Variants in ADAM12 observed in about 807,000 individuals in gnomAD.
ADAM12 encodes the protein ADAM metallopeptidase domain 12.
ADAM12 carries 70 observed loss-of-function variants against 106.4 expected under a neutral mutation model. That is an observed-to-expected ratio of 0.66 (90% CI 0.54 to 0.80). The LOEUF (loss-of-function observed/expected upper bound fraction) is 0.80. ADAM12 is among the 30% of genes least tolerant of loss of function. The pLI is 0.00. For missense variants in ADAM12, 1,010 were observed against 1,171.9 expected (o/e 0.86, Z 2.02); for synonymous variants, 420 against 433.5 (o/e 0.97, Z 0.39).
At chr10:126,340,060 G>A (rs1160070126) in intron 1 of ADAM12, among the ~76,000 whole-genome samples, 5 of 151,912 alleles carry the variant, frequency 3.3e-5, no homozygotes, top group Non-Finnish European at 5.9e-5. Flanking sequence ...TCACCACATT[G>A]GCCAGCATGG....
intron 6 of ADAM12, among the ~76,000 whole-genome samples, chr10:126,117,006 G>A (rs1955996058): frequency 6.6e-6 from 1 of 152,156 alleles, no homozygotes; most frequent in African/African-American, 2.4e-5. Context: ...TAGAAGAAAT[G>A]TTCTCGGACA....
intron 3 of ADAM12, among the ~76,000 whole-genome samples, chr10:126,226,154 G>A (rs569186132): frequency 4.2e-4 from 62 of 149,232 alleles, no homozygotes; most frequent in Non-Finnish European, 8.0e-4. Context: ...CAATGAAACC[G>A]GGTGCTCTGC....
chr10:126,356,516 T>G (rs1302534855), intron 1 of ADAM12, among the ~76,000 whole-genome samples: 1 of 152,174 alleles, frequency 6.6e-6, no homozygotes, highest in East Asian at 1.9e-4. Flanking sequence ...AAAGAACACC[T>G]GTAACATCCA....
intron 3 of ADAM12, among the ~76,000 whole-genome samples, chr10:126,171,549 T>C (rs1237704845): frequency 3.3e-5 from 5 of 152,238 alleles, no homozygotes; most frequent in Non-Finnish European, 5.9e-5. Context: ...CTTACAGCAC[T>C]AGGCTAGAGT....
intron 5 of ADAM12, among the ~76,000 whole-genome samples, chr10:126,125,773 A>G (rs1956196361): frequency 6.6e-6 from 1 of 151,856 alleles, no homozygotes; most frequent in African/African-American, 2.4e-5. Context: ...TAAGGATCTC[A>G]AGATGAGATT....
intron 1 of ADAM12, among the ~76,000 whole-genome samples, chr10:126,348,050 C>A (rs372022313): frequency 1.3e-5 from 2 of 152,292 alleles, no homozygotes; most frequent in East Asian, 3.9e-4. Context: ...GTGCTTAACC[C>A]CTGGGGCAAT....
intron 9 of ADAM12, among the ~76,000 whole-genome samples, chr10:126,099,894 G>T (rs755111273): frequency 1.3e-5 from 2 of 152,028 alleles, no homozygotes; most frequent in African/African-American, 2.4e-5. Flanking sequence ...GACAACAAAA[G>T]AATAATAGCA....
intron 3 of ADAM12, among the ~76,000 whole-genome samples, chr10:126,196,068 A>G (rs1957592631): frequency 6.6e-6 from 1 of 152,160 alleles, no homozygotes; most frequent in South Asian, 2.1e-4. Flanking sequence ...TTGTGGCAAA[A>G]AGAGTGGGGT....
chr10:126,179,064 A>T (rs1239349850), intron 3 of ADAM12, among the ~76,000 whole-genome samples: 1 of 152,124 alleles, frequency 6.6e-6, no homozygotes, highest in Non-Finnish European at 1.5e-5. Flanking sequence ...AGAAAGAAAA[A>T]AAAAAGAAGA....
At chr10:126,116,805 G>C (rs941958183) in intron 6 of ADAM12, among the ~76,000 whole-genome samples, 1 of 152,070 alleles carries the variant, frequency 6.6e-6, no homozygotes, top group Non-Finnish European at 1.5e-5. Context: ...CAGTTTTAGG[G>C]GAACAGACAT....
In ADAM12 at chr10:126,118,116, T is replaced by G. The variant is rs762674607; in HGVS notation, c.525A>C (p.Ser175=). ...PAKKLKSVRG[S]CGSHHNTPNL... is the part of the protein sequence containing the mutation. The stretch of plus-strand genomic sequence containing the variant: ...TTGGTGTGTTGTGATGTGATCCACA[T>G]GATCCCCGGACGCTTTTCAGCTTCT... The change falls in exon 6 of 23, where the codon TCA becomes TCC. Residue 175 remains serine, a synonymous_variant. Transcript: ENST00000448723. 3 of 1,614,090 alleles carry G rather than the reference T, an allele frequency of 1.9e-6. No individual in the cohort carries two copies. Among genetic ancestry groups the G allele is most frequent in the African/African-American group, 2.7e-5 (2 of 74,928 alleles).
intron 2 of ADAM12, among the ~76,000 whole-genome samples, chr10:126,309,897 G>A (rs1961006748): frequency 6.6e-6 from 1 of 152,116 alleles, no homozygotes; most frequent in Admixed American, 6.5e-5. Context: ...AGTGGCTCAC[G>A]CAGGTAATCC....
At chr10:126,269,570 G>A (rs1246676935) in intron 3 of ADAM12, among the ~76,000 whole-genome samples, 1 of 152,168 alleles carries the variant, frequency 6.6e-6, no homozygotes, top group Non-Finnish European at 1.5e-5. Flanking sequence ...CCAGGAGAGG[G>A]AAGGTGCAAT....
intron 9 of ADAM12, among the ~76,000 whole-genome samples, chr10:126,099,472 A>G (rs1014170570): frequency 6.6e-6 from 1 of 151,378 alleles, no homozygotes; most frequent in African/African-American, 2.4e-5. Context: ...TTACATCTAT[A>G]TAGACTATAT....
At chr10:126,227,727 A>G (rs1042332903) in intron 3 of ADAM12, among the ~76,000 whole-genome samples, 8 of 151,958 alleles carry the variant, frequency 5.3e-5, no homozygotes, top group Non-Finnish European at 1.2e-4. Flanking sequence ...TACCCCCATC[A>G]CCTTTCTCTT....
At chr10:126,224,944 CCCT>C (rs1468893575) in intron 3 of ADAM12, among the ~76,000 whole-genome samples, 2 of 152,362 alleles carry the variant, frequency 1.3e-5, no homozygotes, top group East Asian at 3.9e-4. Context: ...AGTCCCGCCA[CCCT>C]CCTCCTCTAC....
intron 12 of ADAM12, chr10:126,070,361 C>T (rs550975460): frequency 3.3e-5 from 5 of 152,320 alleles, no homozygotes; most frequent in African/African-American, 1.2e-4. Flanking sequence ...ACATCACATC[C>T]CCCCTTACTC....
Position 126,116,209 on chromosome 10 carries a change from G to A in ADAM12, c.603+1829C>T, listed in dbSNP as rs115057343. On this transcript the variant is annotated intron_variant, in intron 6 of 22. Transcript: ENST00000448723. ...CCAAGTGTGTACTTCTATATGAAAC[G>A]ACAAACATATTTGAGTGTCATTTAA... Among the ~76,000 whole-genome samples, 1,445 of 152,248 alleles carry A rather than the reference G, an allele frequency of 9.5e-3. 29 individuals carry two copies. Among genetic ancestry groups the A allele is most frequent in the African/African-American group, 0.033 (1,354 of 41,528 alleles).
intron 19 of ADAM12, among the ~76,000 whole-genome samples, chr10:126,038,784 CATT>C (rs1303186387): frequency 2.0e-5 from 3 of 151,988 alleles, no homozygotes; most frequent in African/African-American, 7.2e-5. Context: ...ATAAGCAGCA[CATT>C]GTTGTTTGAA....
Sources: gnomAD v4.1 joint callset for allele counts (sites outside exome capture counted in the v4.1 genomes callset) on GRCh38, gnomAD v4.1.1 for gene constraint, MANE v1.5 for transcripts, NCBI Gene and HGNC (gene_info 2026-07-23, HGNC 2026-07-21) for gene names.